The following TUSC3 variants were observed in gnomAD, a reference collection of about 807,000 sequenced individuals.
TUSC3 encodes tumor suppressor candidate 3, also known as dolichyl-diphosphooligosaccharide--protein glycosyltransferase subunit TUSC3.
In TUSC3, 45 loss-of-function variants were observed where a neutral mutation model predicts 44.8. The observed-to-expected ratio is 1.00, with a 90% confidence interval of 0.79 to 1.29. TUSC3 has a LOEUF of 1.29. Among genes scored for constraint, TUSC3 ranks in the 50% most tolerant of loss-of-function variants. The pLI, the probability that TUSC3 is intolerant of heterozygous loss-of-function variation, is 0.00. For synonymous variants in TUSC3, 212 were observed against 152.9 expected (o/e 1.39, Z -2.85); for missense variants, 519 against 437.9 (o/e 1.19, Z -1.65).
intron 1 of TUSC3, among the ~76,000 whole-genome samples, chr8:15,569,962 G>A (rs1802811258): frequency 6.6e-6 from 1 of 151,930 alleles, no homozygotes; most frequent in South Asian, 2.1e-4. Flanking sequence ...CATCGCTTAA[G>A]AGGCAATTCA....
the TUSC3 span, among the ~76,000 whole-genome samples, chr8:15,814,078 C>G: frequency 1.3e-5 from 2 of 152,190 alleles, no homozygotes; most frequent in African/African-American, 4.8e-5. Context: ...TATTATTTAT[C>G]TGTATCTTGG....
chr8:15,616,227 G>C (rs920567993), intron 1 of TUSC3, among the ~76,000 whole-genome samples: 55 of 152,254 alleles, frequency 3.6e-4, no homozygotes, highest in African/African-American at 6.5e-4. Context: ...GAAGTTTATA[G>C]TGACATGTAT....
At position 15,529,939 on chromosome 8, in the gene TUSC3, A is replaced by AGGCGCCCGCCAC. The variant is rs1563275377; in HGVS notation, n.189+46464_189+46465insCCACGGCGCCCG. Among the ~76,000 whole-genome samples, 14 of 7,486 alleles carry AGGCGCCCGCCAC rather than the reference A, an allele frequency of 1.9e-3. 4 individuals are homozygous for AGGCGCCCGCCAC. The highest frequency in any genetic ancestry group is 2.8e-3 in the African/African-American group (13 of 4,570). 4.9% of individuals were successfully genotyped at this position (7,486 alleles called of 152,430 possible). On this transcript the variant is annotated intron_variant and non_coding_transcript_variant, in intron 2 of 5. Transcript: ENST00000503191. ...CAGCCTCCCGAGTAGCTGGGACTACAGGCGCCCGGCTAATTTTTTGTATTT... is the reference window on the plus strand; with the variant it reads ...CAGCCTCCCGAGTAGCTGGGACTACAGGCGCCCGCCACGGCGCCCGGCTAATTTTTTGTATTT...
At chr8:15,501,576 G>A (rs768036793) in intron 2 of TUSC3, among the ~76,000 whole-genome samples, 22 of 152,138 alleles carry the variant, frequency 1.4e-4, no homozygotes, top group Admixed American at 5.2e-4. Context: ...TGGTCACAAT[G>A]TTTTGGGAAT....
intron 1 of TUSC3, among the ~76,000 whole-genome samples, chr8:15,594,990 C>G (rs546259477): frequency 6.6e-6 from 1 of 152,042 alleles, no homozygotes; most frequent in Non-Finnish European, 1.5e-5. Context: ...TTTTATACTT[C>G]GGGGCAATAT....
the TUSC3 span, among the ~76,000 whole-genome samples, chr8:15,812,271 C>G: frequency 1.2e-4 from 18 of 152,258 alleles, no homozygotes; most frequent in East Asian, 3.5e-3. Context: ...AAAAGAATCA[C>G]AAACAGAAAA....
intron 2 of TUSC3, among the ~76,000 whole-genome samples, chr8:15,641,746 A>G (rs1806382062): frequency 6.6e-6 from 1 of 152,246 alleles, no homozygotes. Flanking sequence ...ACAGATTTTC[A>G]AAATTCATGT....
At position 15,563,424 on chromosome 8, in the gene TUSC3, CA is replaced by C. The variant is rs543756475; in HGVS notation, c.138+22858del. 4.6e-5 allele frequency among the ~76,000 whole-genome samples: 7 copies of C among 152,114 alleles called. No individual in the cohort carries two copies. In the South Asian group the frequency reaches 1.5e-3, roughly 32 times the overall value. ...CTGTAAGGTAAGGAAGATTCAAGAA[CA>C]AGCTGGAATCCCAGCATTTTGGGAG... On this transcript the variant is annotated intron_variant, in intron 1 of 10. Transcript: ENST00000503731.
chr8:15,641,629 C>G (rs1806375812), intron 2 of TUSC3, among the ~76,000 whole-genome samples: 1 of 152,154 alleles, frequency 6.6e-6, no homozygotes, highest in South Asian at 2.1e-4. Context: ...CTCATGACAA[C>G]TGTTGAGAGA....
intron 1 of TUSC3, among the ~76,000 whole-genome samples, chr8:15,480,013 A>G (rs1800637079): frequency 6.6e-6 from 1 of 152,192 alleles, no homozygotes; most frequent in Non-Finnish European, 1.5e-5. Context: ...GCAATAGACA[A>G]GCAGAGAGCC....
rs573980878 is a variant in TUSC3, at chr8:15,453,778, A to T, written n.92-29608A>T. Among the ~76,000 whole-genome samples, 5 of 152,262 alleles carry T rather than the reference A, an allele frequency of 3.3e-5. No homozygotes were observed. In the East Asian group the frequency reaches 9.7e-4, roughly 30 times the overall value. On this transcript the variant is annotated intron_variant and non_coding_transcript_variant, in intron 1 of 5. Coordinates refer to the TUSC3 transcript ENST00000503191. The stretch of plus-strand genomic sequence containing the variant: ...GGGCGGGAGAGGGCTCCCCCTACCC[A>T]CAACCAGGAATGTCAGGCGACCACT...
the TUSC3 span, among the ~76,000 whole-genome samples, chr8:15,809,989 T>C: frequency 6.6e-6 from 1 of 152,234 alleles, no homozygotes; most frequent in African/African-American, 2.4e-5. Flanking sequence ...AGTTAAATAG[T>C]TCTGAGACAG....
chr8:15,844,892 A>G, the TUSC3 span, among the ~76,000 whole-genome samples: 1 of 152,298 alleles, frequency 6.6e-6, no homozygotes, highest in Admixed American at 6.5e-5. Context: ...TCTGAGGACT[A>G]TCCCTGAGAT....
chr8:15,801,010 C>G, the TUSC3 span, among the ~76,000 whole-genome samples: 2 of 152,118 alleles, frequency 1.3e-5, no homozygotes, highest in African/African-American at 4.8e-5. Flanking sequence ...GGTCCCGATC[C>G]AGATCCCCAG....
At chr8:15,580,826 G>T (rs1260397387) in intron 1 of TUSC3, among the ~76,000 whole-genome samples, 1 of 142,740 alleles carries the variant, frequency 7.0e-6, no homozygotes, top group Non-Finnish European at 1.5e-5. Context: ...GAGTATCTTT[G>T]TGGCATTCCC....
At chr8:15,713,570 C>A (rs565648940) in intron 6 of TUSC3, among the ~76,000 whole-genome samples, 5 of 152,216 alleles carry the variant, frequency 3.3e-5, no homozygotes, top group African/African-American at 1.2e-4. Context: ...CTCAGGATTA[C>A]GAAGCCTACA....
rs1238773544 is a variant in TUSC3 at position 15,504,605 on chromosome 8, ATATATATATATATATATTTT to A, written n.189+21124_189+21143del. Among the ~76,000 whole-genome samples, 133 of 31,156 alleles carry A rather than the reference ATATATATATATATATATTTT, an allele frequency of 4.3e-3. 5 individuals are homozygous for A. The highest frequency in any genetic ancestry group is 0.02 in the African/African-American group (123 of 6,230). 20.4% of individuals were successfully genotyped at this position (31,156 alleles called of 152,430 possible). ...TATATATATATATATATATATATAT[ATATATATATATATATATTTT>A]TTTTTTTTTTTTTTTTTAAGTGGGT... On this transcript the variant is annotated intron_variant and non_coding_transcript_variant, in intron 2 of 5. Coordinates refer to the TUSC3 transcript ENST00000503191.
At chr8:15,840,937 T>C in the TUSC3 span, among the ~76,000 whole-genome samples, 1 of 152,168 alleles carries the variant, frequency 6.6e-6, no homozygotes, top group South Asian at 2.1e-4. Context: ...AGTAAAAAAT[T>C]CTTTTTGGTC....
At chr8:15,773,906 T>C in the TUSC3 span, among the ~76,000 whole-genome samples, 1 of 152,144 alleles carries the variant, frequency 6.6e-6, no homozygotes, top group Non-Finnish European at 1.5e-5. Context: ...TAACTCAAAA[T>C]GGATCAACGA....
Sources: allele counts gnomAD v4.1 joint callset (sites outside exome capture counted in the v4.1 genomes callset), GRCh38; gene constraint gnomAD v4.1.1; transcripts MANE v1.5; gene names NCBI Gene and HGNC (gene_info 2026-07-23, HGNC 2026-07-21).